The following CHRNA7 variants were observed in gnomAD, a reference collection of about 807,000 sequenced individuals.
CHRNA7 encodes the protein cholinergic receptor nicotinic alpha 7 subunit.
In CHRNA7, 17 loss-of-function variants were observed where a neutral mutation model predicts 48.0. That is an observed-to-expected ratio of 0.35 (90% CI 0.24 to 0.53). CHRNA7 has a LOEUF of 0.53. Among genes scored for constraint, CHRNA7 ranks in the 20% least tolerant of loss-of-function variants. The probability of loss-of-function intolerance (pLI) is 0.92; values close to 1 mark genes in which losing one functional copy is unlikely to be tolerated. For synonymous variants in CHRNA7, 75 were observed against 242.3 expected (o/e 0.31, Z 6.41); for missense variants, 155 against 577.7 (o/e 0.27, Z 7.50).
intron 4 of CHRNA7, among the ~76,000 whole-genome samples, chr15:32,141,663 T>C (rs2051381278): frequency 6.6e-6 from 1 of 152,210 alleles, no homozygotes; most frequent in South Asian, 2.1e-4. Context: ...GATTCCTAGG[T>C]ATTTTATTCT....
chr15:32,056,495 G>A (rs1043078255), intron 2 of CHRNA7, among the ~76,000 whole-genome samples: 2 of 152,258 alleles, frequency 1.3e-5, no homozygotes, highest in South Asian at 2.1e-4. Context: ...ACATTGTATT[G>A]TCCACTATGC....
intron 4 of CHRNA7, among the ~76,000 whole-genome samples, chr15:32,150,031 T>C (rs1205984099): frequency 1.3e-5 from 2 of 152,156 alleles, no homozygotes; most frequent in African/African-American, 4.8e-5. Flanking sequence ...TAATTTATTT[T>C]TATTTCAAAA....
chr15:32,032,574 A>C (rs1022296517), intron 2 of CHRNA7, among the ~76,000 whole-genome samples: 16 of 152,216 alleles, frequency 1.1e-4, no homozygotes, highest in African/African-American at 3.6e-4. Flanking sequence ...CAGGCAGCAG[A>C]GCTAACACAC....
At chr15:32,122,475 CT>C (rs1022704410) in intron 4 of CHRNA7, among the ~76,000 whole-genome samples, 2 of 152,172 alleles carry the variant, frequency 1.3e-5, no homozygotes, top group African/African-American at 4.8e-5. Flanking sequence ...TATTTGTGGT[CT>C]TTTTTTAATA....
In CHRNA7 at chr15:32,051,499, A is replaced by G. The variant is rs551744054; in HGVS notation, c.195+20462A>G. ...TGGTGTGCCGTTTCCGAAGCCCGTC[A>G]GAAAAGCGCAGTATTGGGGTGGGAG... is the stretch of plus-strand genomic sequence containing the variant. On this transcript the variant is annotated intron_variant, in intron 2 of 9. Coordinates refer to ENST00000306901, the MANE Select transcript of CHRNA7 (RefSeq NM_000746.6). Among the ~76,000 whole-genome samples the G allele has an allele frequency of 2.6e-5, 4 of 152,348 alleles. No individual in the cohort carries two copies. In the East Asian group the frequency reaches 7.7e-4, roughly 29 times the overall value.
chr15:32,043,520 T>C (rs2141173910), intron 2 of CHRNA7, among the ~76,000 whole-genome samples: 1 of 152,254 alleles, frequency 6.6e-6, no homozygotes, highest in East Asian at 1.9e-4. Flanking sequence ...TAGTCATATT[T>C]CTTTCTTTTT....
At chr15:32,114,046 A>ATATATATATATATATATATATATG (rs1566848881) in intron 4 of CHRNA7, among the ~76,000 whole-genome samples, 1 of 44,750 alleles carries the variant, frequency 2.2e-5, no homozygotes, top group African/African-American at 6.6e-5. Context: ...ATATATATGT[A>ATATATATATATATATATATATATG]TATATATATA....
intron 2 of CHRNA7, among the ~76,000 whole-genome samples, chr15:32,083,205 A>G (rs1363185489): frequency 6.6e-6 from 1 of 152,198 alleles, no homozygotes; most frequent in African/African-American, 2.4e-5. Context: ...AATGATTAAT[A>G]TTGTTATTGT....
intron 2 of CHRNA7, among the ~76,000 whole-genome samples, chr15:32,045,819 T>A (rs28718548): frequency 2.9e-5 from 2 of 68,894 alleles, no homozygotes; most frequent in African/African-American, 5.4e-5. Flanking sequence ...CCCTCCCCCC[T>A]CCCCCCACCC....
chr15:32,102,171 G>C (rs2050584852), intron 3 of CHRNA7: 1 of 152,088 alleles, frequency 6.6e-6, no homozygotes, highest in African/African-American at 2.4e-5. Context: ...ACAGAGCCTT[G>C]TTCTGTCATC....
chr15:32,168,758 TCCCCA>T lies in CHRNA7; in HGVS notation c.*301_*305del. The T allele has an allele frequency of 2.2e-5, 1 of 44,614 alleles. No individual in the cohort carries two copies. Among genetic ancestry groups the T allele is most frequent in the Non-Finnish European group, 3.9e-5 (1 of 25,346 alleles). The allele number at this position is 44,614 out of a possible 1,614,324, so 2.8% of individuals were successfully genotyped here. ...CTGCCTGGAAAGCCCTTCGGAGAGC[TCCCCA>T]TGGCTCCTCACCACCGAGACAGTTG... On this transcript the variant is annotated 3_prime_UTR_variant, in exon 10 of 10. Coordinates refer to ENST00000306901, the MANE Select transcript of CHRNA7 (RefSeq NM_000746.6).
intron 4 of CHRNA7, among the ~76,000 whole-genome samples, chr15:32,132,426 A>T (rs890446205): frequency 9.9e-5 from 15 of 152,148 alleles, no homozygotes; most frequent in Admixed American, 2.6e-4. Context: ...ATGTTTATTT[A>T]TGGATTATGT....
chr15:32,146,025 C>T (rs2051481484), intron 4 of CHRNA7, among the ~76,000 whole-genome samples: 3 of 152,172 alleles, frequency 2.0e-5, no homozygotes, highest in Non-Finnish European at 4.4e-5. Context: ...CAGACCAGAG[C>T]TGTTCTTATT....
At chr15:32,143,492 CGTT>C (rs773213823) in intron 4 of CHRNA7, among the ~76,000 whole-genome samples, 3 of 152,088 alleles carry the variant, frequency 2.0e-5, no homozygotes, top group Middle Eastern at 3.4e-3. Flanking sequence ...CCTTCTGTCT[CGTT>C]GATCTAATAT....
intron 2 of CHRNA7, among the ~76,000 whole-genome samples, chr15:32,085,563 T>C (rs1312344318): frequency 1.3e-5 from 2 of 152,260 alleles, no homozygotes; most frequent in South Asian, 2.1e-4. Context: ...AACAGTGGAA[T>C]TGGAATTATC....
At chr15:32,108,634 A>G (rs1430517843) in intron 3 of CHRNA7, among the ~76,000 whole-genome samples, 1 of 152,210 alleles carries the variant, frequency 6.6e-6, no homozygotes, top group Non-Finnish European at 1.5e-5. Flanking sequence ...CAGGGCACAC[A>G]GCATGAGGTT....
At chr15:32,114,153 G>C (rs977823811) in intron 4 of CHRNA7, among the ~76,000 whole-genome samples, 1 of 149,914 alleles carries the variant, frequency 6.7e-6, no homozygotes, top group African/African-American at 2.5e-5. Flanking sequence ...CAGAGAGAGA[G>C]AGAGAGAGCA....
At chr15:32,115,978 A>G (rs1318175555) in intron 4 of CHRNA7, among the ~76,000 whole-genome samples, 2 of 152,210 alleles carry the variant, frequency 1.3e-5, no homozygotes, top group South Asian at 2.1e-4. Context: ...AATAGTCTTC[A>G]CTACTAATAT....
chr15:32,159,105 A>G (rs2051843774), intron 7 of CHRNA7: 4 of 183,104 alleles, frequency 2.2e-5, no homozygotes, highest in Admixed American at 1.1e-4. Context: ...AGCATATGGT[A>G]GAAATCATTC....
Sources: allele counts gnomAD v4.1 joint callset (sites outside exome capture counted in the v4.1 genomes callset), GRCh38; gene constraint gnomAD v4.1.1; transcripts MANE v1.5; gene names NCBI Gene and HGNC (gene_info 2026-07-23, HGNC 2026-07-21).